EML1: variants seen among roughly 807,000 people sequenced by gnomAD.
EML1 encodes echinoderm microtubule-associated protein-like 1.
EML1 carries 27 observed loss-of-function variants against 110.4 expected under a neutral mutation model. That is an observed-to-expected ratio of 0.24 (90% CI 0.18 to 0.34). The LOEUF is 0.34. EML1 is among the 10% of genes least tolerant of loss of function. The pLI is 1.00. For synonymous variants in EML1, 344 were observed against 385.8 expected, an observed-to-expected ratio of 0.89 and a Z score of 1.27; for missense variants, 741 against 1,030.9, an observed-to-expected ratio of 0.72 and a Z score of 3.85.
intron 1 of EML1, among the ~76,000 whole-genome samples, chr14:99,844,765 G>A (rs2058682631): frequency 6.6e-6 from 1 of 152,110 alleles, no homozygotes; most frequent in African/African-American, 2.4e-5. Flanking sequence ...TCATATAAAT[G>A]GAATAGTACA....
chr14:99,785,034 T>C (rs2057583502), intron 1 of EML1, among the ~76,000 whole-genome samples: 1 of 152,238 alleles, frequency 6.6e-6, no homozygotes, highest in South Asian at 2.1e-4. Flanking sequence ...CTTCGCTATG[T>C]AGGCTTCTTT....
chr14:99,753,305 G>C (rs554695374), intron 1 of EML1, among the ~76,000 whole-genome samples: 1 of 151,064 alleles, frequency 6.6e-6, no homozygotes, highest in African/African-American at 2.4e-5. Context: ...AGACACTTCA[G>C]GGGGAAGTCC....
intron 1 of EML1, among the ~76,000 whole-genome samples, chr14:99,849,187 C>T (rs1167383883): frequency 6.6e-6 from 1 of 152,056 alleles, no homozygotes; most frequent in African/African-American, 2.4e-5. Flanking sequence ...GGTTTTGTTA[C>T]TCTGAAAATG....
chr14:99,935,426 C>T (rs951297524), intron 17 of EML1, among the ~76,000 whole-genome samples: 9 of 151,676 alleles, frequency 5.9e-5, no homozygotes, highest in Non-Finnish European at 1.0e-4. Flanking sequence ...GATCATACCA[C>T]TGCACTCCAG....
At chr14:99,860,765 T>A (rs1012603459) in intron 2 of EML1, among the ~76,000 whole-genome samples, 3 of 152,150 alleles carry the variant, frequency 2.0e-5, no homozygotes, top group Non-Finnish European at 2.9e-5. Context: ...ATCCAACTTC[T>A]CAGTCATTCC....
At chr14:99,790,865 C>CTTTTTTTTT (rs763959981), upstream of EML1, among the ~76,000 whole-genome samples, 35 of 138,508 alleles carry the variant, frequency 2.5e-4, 3 homozygotes, top group Admixed American at 2.8e-4. Flanking sequence ...TTTTTCTTTT[C>CTTTTTTTTT]CTTTTTTTTT....
chr14:99,784,370 G>T lies in EML1; in HGVS notation c.-27+10357G>T, dbSNP rs1194923775. Among the ~76,000 whole-genome samples the T allele has an allele frequency of 2.0e-5, 3 of 152,222 alleles. No homozygotes were observed. The highest frequency in any genetic ancestry group is 7.2e-5 in the African/African-American group (3 of 41,456). On this transcript the variant is annotated intron_variant, in intron 1 of 22. Transcript: ENST00000327921. This position sits in a 1 kb window ranked among gnomAD's most constrained non-coding sequence, Gnocchi z 4.5. The stretch of plus-strand genomic sequence containing the variant: ...GGCCTCCTCAAGTGCTGGGATAACA[G>T]GTGTAAGCCACTGTGCCTGGCCTGC...
intron 2 of EML1, among the ~76,000 whole-genome samples, chr14:99,862,138 T>TCATTGACTATCCTTCA (rs1333830425): frequency 2.0e-5 from 3 of 152,226 alleles, no homozygotes; most frequent in African/African-American, 7.2e-5. Flanking sequence ...GTTAGAGGGT[T>TCATTGACTATCCTTCA]CATTGACTAT....
At chr14:99,819,704 C>T (rs548487100) in intron 1 of EML1, among the ~76,000 whole-genome samples, 11 of 152,204 alleles carry the variant, frequency 7.2e-5, no homozygotes, top group Admixed American at 5.2e-4. Flanking sequence ...GGTTTCCCTC[C>T]GTGGTGGGAG....
rs766767466 is a variant in EML1, at chr14:99,939,376, G to A, written c.2322+49G>A. The stretch of plus-strand genomic sequence containing the variant: ...ATCTTATCCCCCATGGGGCATGCAC[G>A]TACACCCGACCTGTTTGGAGACTAA... On this transcript the variant is annotated intron_variant, in intron 21 of 21. Transcript: ENST00000262233. This position sits in a 1 kb window ranked among gnomAD's most constrained non-coding sequence, Gnocchi z 4.2. 6.8e-6 allele frequency: 11 copies of A among 1,607,088 alleles called. No individual in the cohort carries two copies. Among genetic ancestry groups the A allele is most frequent in the South Asian group, 3.3e-5 (3 of 90,194 alleles).
At chr14:99,893,985 A>C (rs1358033737) in intron 5 of EML1, among the ~76,000 whole-genome samples, 1 of 152,188 alleles carries the variant, frequency 6.6e-6, no homozygotes, top group Admixed American at 6.5e-5. Flanking sequence ...TTATTATAGA[A>C]ATGTTCGTTC....
intron 16 of EML1, among the ~76,000 whole-genome samples, chr14:99,918,926 C>T (rs964491327): frequency 1.3e-5 from 2 of 152,200 alleles, no homozygotes; most frequent in African/African-American, 4.8e-5. Flanking sequence ...ACCTATTCAC[C>T]TGGCACCTCC....
chr14:99,772,963 G>A (rs1162979483), exon 1 of EML1: 1 of 152,116 alleles, frequency 6.6e-6, no homozygotes, highest in East Asian at 1.9e-4. Context: ...TGGCTTAGAA[G>A]GCTTTGCATC....
At chr14:99,754,371 C>A (rs1319866737) in intron 1 of EML1, among the ~76,000 whole-genome samples, 1 of 152,170 alleles carries the variant, frequency 6.6e-6, no homozygotes, top group South Asian at 2.1e-4. Context: ...TGCCTCCCCC[C>A]ACGGTGGCAC....
At chr14:99,883,774 T>C (rs915422254) in intron 4 of EML1, among the ~76,000 whole-genome samples, 2 of 152,204 alleles carry the variant, frequency 1.3e-5, no homozygotes, top group African/African-American at 4.8e-5. Context: ...ACTCTTGCAA[T>C]GTTATTTTAG....
chr14:99,817,595 A>G (rs1396250841), intron 1 of EML1, among the ~76,000 whole-genome samples: 1 of 152,148 alleles, frequency 6.6e-6, no homozygotes, highest in Non-Finnish European at 1.5e-5. Context: ...GACCTCAGGG[A>G]CTTCCTGAAG....
intron 2 of EML1, among the ~76,000 whole-genome samples, chr14:99,855,603 A>G (rs920026605): frequency 2.0e-5 from 3 of 152,268 alleles, no homozygotes; most frequent in African/African-American, 7.2e-5. Context: ...TGCATTAACC[A>G]GTGAGTAGCT....
chr14:99,878,675 C>G, intron 4 of EML1, 56 bp downstream of exon 4: 8 of 1,557,690 alleles, frequency 5.1e-6, no homozygotes, highest in Non-Finnish European at 6.1e-6. Context: ...TACGGCTTGT[C>G]CCCAGAGAGG....
At chr14:99,914,340 C>A (rs1220959781) in intron 14 of EML1, 36 bp downstream of exon 14, 5 of 1,594,640 alleles carry the variant, frequency 3.1e-6, no homozygotes, top group Non-Finnish European at 4.3e-6. Context: ...CAAACACTCT[C>A]ATTTTGCATT....
Sources: gnomAD v4.1 joint callset for allele counts (sites outside exome capture counted in the v4.1 genomes callset) on GRCh38, gnomAD v4.1.1 for gene constraint, Gnocchi (gnomAD v3.1) non-coding constraint, MANE v1.5 for transcripts, NCBI Gene and HGNC (gene_info 2026-07-23, HGNC 2026-07-21) for gene names.